Variants in NPAS3 observed in about 807,000 individuals in gnomAD.
The protein encoded by NPAS3 is neuronal PAS domain-containing protein 3.
Under a neutral mutation model 73.1 loss-of-function variants are expected in NPAS3, and 14 were observed. The ratio of observed to expected loss-of-function variants is 0.19; its 90% confidence interval spans 0.13 to 0.30. The LOEUF (loss-of-function observed/expected upper bound fraction) is 0.30. Ranked by LOEUF, NPAS3 falls within the 10% of genes least tolerant of loss-of-function variation. NPAS3 has a pLI of 1.00. For synonymous variants in NPAS3, 620 were observed against 541.5 expected (o/e 1.14, Z -2.01); for missense variants, 1,096 against 1,250.0 (o/e 0.88, Z 1.86).
upstream of NPAS3, chr14:32,939,104 T>C: frequency 1.7e-5 from 2 of 119,114 alleles, no homozygotes; most frequent in Non-Finnish European, 3.1e-5. Flanking sequence ...CCTCCCCACC[T>C]CAGCAGCACG....
rs368840322 is a variant in NPAS3, at chr14:33,109,921, G to C, written c.140+53927G>C. Among the ~76,000 whole-genome samples the C allele has an allele frequency of 9.8e-5, 14 of 143,038 alleles. No individual in the cohort carries two copies. The South Asian group carries it at 2.5e-3, about 26-fold the overall frequency. The allele number at this position is 143,038 out of a possible 152,430, so 93.8% of individuals were successfully genotyped here. ...GGGCTTAAACGATCCTCCCACCTCA[G>C]CCTCCTGAGTAGCTGGGACTATAGG... On this transcript the variant is annotated intron_variant, in intron 2 of 11. Coordinates refer to ENST00000356141, the Ensembl canonical transcript of NPAS3.
Position 33,122,247 on chromosome 14 carries a change from T to C in NPAS3, c.140+66253T>C, listed in dbSNP as rs79008253. Among the ~76,000 whole-genome samples, 466 of 152,226 alleles carry C rather than the reference T, an allele frequency of 3.1e-3. 1 individual carries two copies. Among genetic ancestry groups the C allele is most frequent in the African/African-American group, 0.011 (454 of 41,544 alleles). On this transcript the variant is annotated intron_variant, in intron 2 of 11. Transcript: ENST00000356141. Reference sequence around the variant, plus strand: ...TCCCTACTGCTGTAGGTTGAATGAATTGTGGAATTTCTAAGTTGTGCTGTG... The same window carrying C: ...TCCCTACTGCTGTAGGTTGAATGAACTGTGGAATTTCTAAGTTGTGCTGTG...
rs148313882 is a variant in NPAS3, at chr14:33,652,580, T to C, written c.559-23631T>C. ...GGGGACCGCCGGCAACTTCTGGGTG[T>C]TAACTACAGGAGTCGTTAAAAGTAG... On this transcript the variant is annotated intron_variant, in intron 5 of 11. Coordinates refer to ENST00000356141, the Ensembl canonical transcript of NPAS3. 4.7e-4 allele frequency among the ~76,000 whole-genome samples: 71 copies of C among 152,290 alleles called. 1 individual carries two copies. The East Asian group carries it at 0.011, about 24-fold the overall frequency.
At chr14:32,996,984 A>G (rs2038602951) in intron 1 of NPAS3, among the ~76,000 whole-genome samples, 1 of 152,168 alleles carries the variant, frequency 6.6e-6, no homozygotes, top group African/African-American at 2.4e-5. Flanking sequence ...CCATGAAAGC[A>G]GCTAGGAGGG....
rs191736595 is a variant in NPAS3 at position 33,779,154 on chromosome 14, G to A, written c.1153+582G>A. ...GTATCTCCATCCCCCAACTCCTGGG[G>A]AACAGAAACTTATCTCAGCTCTTTG... On this transcript the variant is annotated intron_variant, in intron 9 of 11. Transcript: ENST00000356141. 8.7e-3 allele frequency among the ~76,000 whole-genome samples: 1,325 copies of A among 152,312 alleles called. 11 individuals are homozygous for A. Among genetic ancestry groups the A allele is most frequent in the Non-Finnish European group, 0.014 (963 of 68,022 alleles).
chr14:33,026,430 C>G (rs1481439542), intron 1 of NPAS3, among the ~76,000 whole-genome samples: 1 of 152,182 alleles, frequency 6.6e-6, no homozygotes, highest in Non-Finnish European at 1.5e-5. Flanking sequence ...AGTTTCTGGT[C>G]CAGTAGCTAT....
intron 4 of NPAS3, among the ~76,000 whole-genome samples, chr14:33,501,727 A>T (rs2052528261): frequency 6.6e-6 from 1 of 151,452 alleles, no homozygotes; most frequent in African/African-American, 2.4e-5. Flanking sequence ...GAACCTTAGC[A>T]GCAGGTATAG....
At chr14:32,966,485 C>G (rs2037164093) in intron 1 of NPAS3, among the ~76,000 whole-genome samples, 1 of 152,138 alleles carries the variant, frequency 6.6e-6, no homozygotes, top group Non-Finnish European at 1.5e-5. Flanking sequence ...ACTAGGAAAA[C>G]TGGATATCTA....
rs551074879 is a variant in NPAS3 at position 33,682,966 on chromosome 14, C to T, written c.733+6581C>T. On this transcript the variant is annotated intron_variant, in intron 6 of 11. Coordinates refer to ENST00000356141, the Ensembl canonical transcript of NPAS3. ...AATTCCTTGACCCACACGTTGATGA[C>T]GCAACTAGCTACAGAAGGGCGGCCT... Among the ~76,000 whole-genome samples, 93 of 152,286 alleles carry T rather than the reference C, an allele frequency of 6.1e-4. 2 individuals carry two copies. In the South Asian group the frequency reaches 0.016, roughly 25 times the overall value.
intron 4 of NPAS3, among the ~76,000 whole-genome samples, chr14:33,403,762 G>A (rs2047545183): frequency 6.6e-6 from 1 of 151,912 alleles, no homozygotes; most frequent in South Asian, 2.1e-4. Context: ...AACTATTATT[G>A]TGGCCCACGG....
At chr14:33,102,274 G>T (rs558003998) in intron 2 of NPAS3, among the ~76,000 whole-genome samples, 1 of 152,224 alleles carries the variant, frequency 6.6e-6, no homozygotes, top group Non-Finnish European at 1.5e-5. Context: ...GATTGATTTT[G>T]AATAGAAAAA....
At chr14:33,259,408 G>A (rs2048892636) in intron 3 of NPAS3, among the ~76,000 whole-genome samples, 3 of 152,044 alleles carry the variant, frequency 2.0e-5, no homozygotes, top group Non-Finnish European at 4.4e-5. Context: ...TTGGCTTACC[G>A]ATGGAATAGA....
At chr14:33,218,010 C>A (rs951989734) in intron 3 of NPAS3, among the ~76,000 whole-genome samples, 1 of 152,064 alleles carries the variant, frequency 6.6e-6, no homozygotes, top group East Asian at 1.9e-4. Context: ...TATTTTGTGG[C>A]CTTCAATTCC....
chr14:33,655,343 T>TC (rs2059115476), intron 5 of NPAS3, among the ~76,000 whole-genome samples: 1 of 137,212 alleles, frequency 7.3e-6, no homozygotes, highest in Admixed American at 8.1e-5. Context: ...TTTTTTTTTT[T>TC]TTTTTTTTTT....
At chr14:33,271,395 G>T (rs958502388) in intron 3 of NPAS3, among the ~76,000 whole-genome samples, 2 of 152,110 alleles carry the variant, frequency 1.3e-5, no homozygotes, top group African/African-American at 4.8e-5. Flanking sequence ...AGGGGGTTCT[G>T]GTTTCCATGA....
chr14:33,610,434 C>CT (rs1420139704), intron 5 of NPAS3, among the ~76,000 whole-genome samples: 8 of 151,860 alleles, frequency 5.3e-5, no homozygotes, highest in Non-Finnish European at 8.8e-5. Flanking sequence ...TTTCCCTCTC[C>CT]TTTTTTTTCA....
At chr14:33,449,902 G>A (rs1274217145) in intron 4 of NPAS3, among the ~76,000 whole-genome samples, 1 of 152,132 alleles carries the variant, frequency 6.6e-6, no homozygotes, top group Non-Finnish European at 1.5e-5. Flanking sequence ...GTTGAAATCT[G>A]CGTAAGTGTT....
intron 2 of NPAS3, among the ~76,000 whole-genome samples, chr14:33,104,103 G>A (rs2042654280): frequency 6.6e-6 from 1 of 152,146 alleles, no homozygotes; most frequent in African/African-American, 2.4e-5. Flanking sequence ...ATGGGTATCA[G>A]CTACATTGCA....
intron 3 of NPAS3, among the ~76,000 whole-genome samples, chr14:33,319,141 G>A (rs77071375): frequency 6.6e-6 from 1 of 151,834 alleles, no homozygotes; most frequent in African/African-American, 2.4e-5. Context: ...GGATAGTTTG[G>A]TCTTTTTCAT....
Sources: gnomAD v4.1 joint callset for allele counts (sites outside exome capture counted in the v4.1 genomes callset) on GRCh38, gnomAD v4.1.1 for gene constraint, MANE v1.5 for transcripts, NCBI Gene and HGNC (gene_info 2026-07-23, HGNC 2026-07-21) for gene names.